NCAN: variants seen among roughly 807,000 people sequenced by gnomAD.
The protein encoded by NCAN is neurocan.
In NCAN, 47 loss-of-function variants were observed where a neutral mutation model predicts 121.8. That is an observed-to-expected ratio of 0.39 (90% confidence interval 0.31 to 0.49). The LOEUF (loss-of-function observed/expected upper bound fraction) is 0.49, where lower values mean the gene tolerates loss of function less well. NCAN is among the 20% of genes least tolerant of loss of function. NCAN has a pLI of 0.92. For synonymous variants in NCAN, 633 were observed against 702.0 expected, an observed-to-expected ratio of 0.90 and a Z score of 1.55; for missense variants, 1,517 against 1,773.4, an observed-to-expected ratio of 0.86 and a Z score of 2.60.
At position 19,250,583 on chromosome 19, in the gene NCAN, G is replaced by C. The variant is rs948138750; in HGVS notation, c.*672G>C. 1.5e-5 allele frequency: 3 copies of C among 202,030 alleles called. No individual in the cohort carries two copies. Among genetic ancestry groups the C allele is most frequent in the African/African-American group, 7.0e-5 (3 of 42,702 alleles). The allele number at this position is 202,030 out of a possible 1,614,324, so 12.5% of individuals were successfully genotyped here. A position where few individuals can be genotyped will look rare whatever the true frequency, so the allele number is the denominator to read the frequency against. On this transcript the variant is annotated 3_prime_UTR_variant, in exon 15 of 15. Transcript: ENST00000252575. ...TGATCAAAGCAATATGTAGGTGATG[G>C]AGGGAGAGTGTATTGCTAACCCTTC...
At chr19:19,243,609 C>T (rs535056036) in intron 12 of NCAN, among the ~76,000 whole-genome samples, 4 of 151,392 alleles carry the variant, frequency 2.6e-5, no homozygotes, top group African/African-American at 4.8e-5. Flanking sequence ...TTAAACTGCA[C>T]ACCGCCTCTT....
chr19:19,238,277 G>A lies in NCAN; in HGVS notation c.3275G>A (p.Trp1092Ter). ...GACACCGAGGGCTGTGACCGCGGCT[G>A]GCATAAGTTCCAGGGCCACTGTTAC... is the stretch of plus-strand genomic sequence containing the variant. ...EKDTEGCDRG[W>*]HKFQGHCYRY... The change falls in exon 11 of 15, where the codon TGG becomes TAG. Residue 1092 changes from tryptophan to a stop codon, truncating the protein, a stop_gained. Coordinates refer to ENST00000252575, the MANE Select transcript of NCAN (RefSeq NM_004386.3). LOFTEE classifies it high-confidence loss of function. 6.2e-7 allele frequency: 1 copy of A among 1,614,198 alleles called. No individual in the cohort carries two copies. The highest frequency in any genetic ancestry group is 8.5e-7 in the Non-Finnish European group (1 of 1,180,030).
chr19:19,228,011 C>G lies in NCAN; in HGVS notation c.2391C>G (p.Ala797=), dbSNP rs1397602246. Residue 797 remains alanine (A), a synonymous_variant, in exon 8 of 15, where the codon GCC becomes GCG. Transcript: ENST00000252575. ...GGCTGGATGCAAGTTCCCCATCTGCCCCCCTGGGGAGCCCTGGAGTCTTCT... is the reference window on the plus strand; with the variant it reads ...GGCTGGATGCAAGTTCCCCATCTGCGCCCCTGGGGAGCCCTGGAGTCTTCT... ...SKGLDASSPS[A]PLGSPGVFLV... is the part of the protein sequence containing the mutation. 1.2e-6 allele frequency: 2 copies of G among 1,613,454 alleles called. No individual in the cohort carries two copies.
Position 19,224,325 on chromosome 19 carries a change from C to G in NCAN, c.670C>G (p.Arg224Gly), listed in dbSNP as rs767605520. The G allele has an allele frequency of 2.5e-6, 4 of 1,614,058 alleles. No homozygotes were observed. Among genetic ancestry groups the G allele is most frequent in the Non-Finnish European group, 3.4e-6 (4 of 1,179,954 alleles). ...TGTCAGGTATCCTATCACCCAGTCC[C>G]GTCCTGGTTGCTATGGCGACCGTAG... Reference protein sequence around the residue: ...RTVRYPITQSRPGCYGDRSSL... With the variant: ...RTVRYPITQSGPGCYGDRSSL... Residue 224 changes from arginine (R) to glycine (G), a missense_variant, in exon 5 of 15, where the codon CGT becomes GGT. Arg to Gly is a moderately radical substitution (Grantham distance 125, BLOSUM62 -2). Transcript: ENST00000252575.
intron 12 of NCAN, among the ~76,000 whole-genome samples, chr19:19,244,085 G>A (rs1001567830): frequency 9.9e-5 from 15 of 152,004 alleles, no homozygotes; most frequent in African/African-American, 2.9e-4. Flanking sequence ...TATATTTTGC[G>A]CTATATATAT....
Position 19,251,989 on chromosome 19 carries a change from T to C in NCAN, c.*2078T>C, listed in dbSNP as rs2060948130. On this transcript the variant is annotated 3_prime_UTR_variant, in exon 15 of 15. Transcript: ENST00000252575. Reference sequence around the variant, plus strand: ...TTGCCCTGCCCCCACCTCGGCTCCATGGTGGGAGGGGGCTCTGGTCTTTTC... The same window carrying C: ...TTGCCCTGCCCCCACCTCGGCTCCACGGTGGGAGGGGGCTCTGGTCTTTTC... The C allele has an allele frequency of 6.6e-6, 1 of 152,478 alleles. No individual in the cohort carries two copies. The highest frequency in any genetic ancestry group is 2.1e-4 in the South Asian group (1 of 4,824). 9.4% of individuals were successfully genotyped at this position (152,478 alleles called of 1,614,324 possible).
intron 11 of NCAN, among the ~76,000 whole-genome samples, 167 bp from the exon 12 acceptor site, chr19:19,240,436 T>G (rs1407231391): frequency 1.3e-5 from 2 of 151,536 alleles, no homozygotes; most frequent in Non-Finnish European, 2.9e-5. Context: ...GCTTCTTCCC[T>G]CTTCATTTCC....
At chr19:19,216,680 A>C (rs1599806470) in intron 1 of NCAN, among the ~76,000 whole-genome samples, 1 of 152,098 alleles carries the variant, frequency 6.6e-6, no homozygotes, top group Non-Finnish European at 1.5e-5. Flanking sequence ...GGCCTCAAGC[A>C]GTCCTCCCAC....
chr19:19,238,019 G>T (rs1378321778), intron 10 of NCAN, among the ~76,000 whole-genome samples: 1 of 152,176 alleles, frequency 6.6e-6, no homozygotes, highest in Non-Finnish European at 1.5e-5. Flanking sequence ...CGCCAGCCTG[G>T]GCGACGGAGT....
chr19:19,229,344 C>T (rs1040484438), intron 8 of NCAN, among the ~76,000 whole-genome samples: 4 of 152,162 alleles, frequency 2.6e-5, no homozygotes, highest in Non-Finnish European at 5.9e-5. Context: ...TTCCAGGATT[C>T]CCCGAGTCTG....
In NCAN at chr19:19,245,472, C is replaced by A; in HGVS notation, c.3637+15C>A. 1 of 1,608,150 alleles carries A rather than the reference C, an allele frequency of 6.2e-7. No individual in the cohort carries two copies. Among genetic ancestry groups the A allele is most frequent in the Non-Finnish European group, 8.5e-7 (1 of 1,176,474 alleles). ...GAAGGGCACAGGTATGCTGTGCCCCCTGCTTCTTTTCCTCTCTGTCACTTT... is the reference window on the plus strand; with the variant it reads ...GAAGGGCACAGGTATGCTGTGCCCCATGCTTCTTTTCCTCTCTGTCACTTT... On this transcript the variant is annotated intron_variant, in intron 13 of 14. Coordinates refer to ENST00000252575, the MANE Select transcript of NCAN (RefSeq NM_004386.3).
In NCAN at chr19:19,219,314, C is replaced by A; in HGVS notation, c.473C>A (p.Thr158Lys). Residue 158 changes from threonine to lysine, a missense_variant and splice_region_variant, in exon 3 of 15, where the codon ACA becomes AAA. By Grantham distance (78) the Thr-to-Lys change is moderately conservative (BLOSUM62 -1). Transcript: ENST00000252575. ...CAGGACCTGGTGCCCTTGGAGGTGA[C>A]AGGTCAGTTGGGGGCAAAGGAGGGG... ...DEQDLVPLEV[T>K]GVVFHYRSAR... 6.5e-7 allele frequency: 1 copy of A among 1,532,984 alleles called. No homozygotes were observed. The highest frequency in any genetic ancestry group is 8.8e-7 in the Non-Finnish European group (1 of 1,142,128). 95.0% of individuals were successfully genotyped at this position (1,532,984 alleles called of 1,614,324 possible). A position where few individuals can be genotyped will look rare whatever the true frequency, so the allele number is the denominator to read the frequency against.
chr19:19,232,358 T>C (rs2060863269), intron 8 of NCAN, among the ~76,000 whole-genome samples: 1 of 152,350 alleles, frequency 6.6e-6, no homozygotes, highest in African/African-American at 2.4e-5. Flanking sequence ...CGCCAGTCCG[T>C]GGGCAGGTGT....
At position 19,217,603 on chromosome 19, in the gene NCAN, G is replaced by A. The variant is rs185077517; in HGVS notation, c.73+577G>A. ...TTAGCTGTCTTTTGCTTTACCTTTC[G>A]GAAAAACTGGGGCTCAGGGAAGGAA... On this transcript the variant is annotated intron_variant, in intron 2 of 14. Transcript: ENST00000252575. 2.2e-3 allele frequency among the ~76,000 whole-genome samples: 337 copies of A among 152,252 alleles called. 2 individuals are homozygous for A. Among genetic ancestry groups the A allele is most frequent in the East Asian group, 9.3e-3 (48 of 5,182 alleles).
At position 19,219,316 on chromosome 19, in the gene NCAN, G is replaced by C; in HGVS notation, c.475G>C (p.Gly159Arg). 1 of 1,526,336 alleles carries C rather than the reference G, an allele frequency of 6.6e-7. No individual in the cohort carries two copies. Among genetic ancestry groups the C allele is most frequent in the Non-Finnish European group, 8.8e-7 (1 of 1,138,370 alleles). The allele number at this position is 1,526,336 out of a possible 1,614,324, so 94.5% of individuals were successfully genotyped here. ...GGACCTGGTGCCCTTGGAGGTGACA[G>C]GTCAGTTGGGGGCAAAGGAGGGGCC... ...EQDLVPLEVT[G>R]VVFHYRSARD... is the part of the protein sequence containing the mutation. The change falls in exon 3 of 15, where the codon GGT becomes CGT. Residue 159 changes from glycine (G) to arginine (R), a missense_variant and splice_region_variant. Transcript: ENST00000252575.
rs760865849 is a variant in NCAN, at chr19:19,240,600, C to T, written c.3410-3C>T. ...CCCAGACCCACAACCCCCGACCCTG[C>T]AGGCTTTGGGCATGAAAACACGTGG... On this transcript the variant is annotated splice_region_variant and splice_polypyrimidine_tract_variant and intron_variant, in intron 11 of 14. Transcript: ENST00000252575. 1 of 1,614,050 alleles carries T rather than the reference C, an allele frequency of 6.2e-7. No homozygotes were observed. Among genetic ancestry groups the T allele is most frequent in the Non-Finnish European group, 8.5e-7 (1 of 1,180,002 alleles).
chr19:19,234,818 C>T (rs950247485), intron 9 of NCAN, among the ~76,000 whole-genome samples, 165 bp from the exon 10 acceptor site: 5 of 152,202 alleles, frequency 3.3e-5, no homozygotes, highest in African/African-American at 9.7e-5. Flanking sequence ...AGGTTCCACC[C>T]CCTTGCCTGC....
intron 8 of NCAN, chr19:19,233,003 G>A (rs1599817144): frequency 6.6e-6 from 1 of 151,394 alleles, no homozygotes; most frequent in Non-Finnish European, 1.5e-5. Context: ...CGCGATCTCA[G>A]CTCACTGCAA....
chr19:19,224,394 G>A lies in NCAN; in HGVS notation c.739G>A (p.Glu247Lys), dbSNP rs781419287. 6.2e-7 allele frequency: 1 copy of A among 1,614,020 alleles called. No homozygotes were observed. Among genetic ancestry groups the A allele is most frequent in the South Asian group, 1.1e-5 (1 of 91,076 alleles). The change falls in exon 5 of 15, where the codon GAA becomes AAA. Residue 247 changes from glutamate (E) to lysine (K), a missense_variant. Transcript: ENST00000252575. ...GAGCTATGGGAGGCGCAACCCACAG[G>A]AACTCTACGATGTGTATTGCTTTGC... ...VRSYGRRNPQ[E>K]LYDVYCFARE...
Sources: allele counts gnomAD v4.1 joint callset (sites outside exome capture counted in the v4.1 genomes callset), GRCh38; gene constraint gnomAD v4.1.1; transcripts MANE v1.5; gene names NCBI Gene and HGNC (gene_info 2026-07-23, HGNC 2026-07-21).